Variants in PDE4D observed in about 807,000 individuals in gnomAD.
PDE4D encodes the protein 3',5'-cyclic-AMP phosphodiesterase 4D.
Under a neutral mutation model 87.4 loss-of-function variants are expected in PDE4D, and 24 were observed. That is an observed-to-expected ratio of 0.27 (90% confidence interval 0.20 to 0.39). PDE4D has a LOEUF of 0.39. Ranked by LOEUF, PDE4D falls within the 10% of genes least tolerant of loss-of-function variation. The pLI, the probability that PDE4D is intolerant of heterozygous loss-of-function variation, is 1.00. For synonymous variants in PDE4D, 384 were observed against 383.2 expected, an observed-to-expected ratio of 1.00 and a Z score of -0.02; for missense variants, 714 against 1,041.0, an observed-to-expected ratio of 0.69 and a Z score of 4.32.
intron 1 of PDE4D, among the ~76,000 whole-genome samples, chr5:60,408,555 T>C (rs187234891): frequency 6.6e-6 from 1 of 152,230 alleles, no homozygotes; most frequent in South Asian, 2.1e-4. Flanking sequence ...GCCTGGAAAG[T>C]CTTGCCAGTT....
At chr5:59,144,481 AAAAT>A (rs978147123) in intron 5 of PDE4D, among the ~76,000 whole-genome samples, 3 of 152,208 alleles carry the variant, frequency 2.0e-5, no homozygotes, top group African/African-American at 7.2e-5. Flanking sequence ...CCAGAAAGCA[AAAAT>A]AAATAAATAA....
At chr5:59,678,448 C>A (rs2150355342) in intron 1 of PDE4D, among the ~76,000 whole-genome samples, 1 of 151,844 alleles carries the variant, frequency 6.6e-6, no homozygotes, top group East Asian at 1.9e-4. Context: ...ATGGAAGTAC[C>A]ACAATTTAGT....
At chr5:59,754,665 A>T (rs1278570498) in intron 1 of PDE4D, among the ~76,000 whole-genome samples, 1 of 152,202 alleles carries the variant, frequency 6.6e-6, no homozygotes, top group Non-Finnish European at 1.5e-5. Context: ...ATTACAGGGT[A>T]GAAAAATGTG....
intron 2 of PDE4D, among the ~76,000 whole-genome samples, chr5:60,146,416 A>G (rs1781005772): frequency 6.6e-6 from 1 of 152,204 alleles, no homozygotes; most frequent in Non-Finnish European, 1.5e-5. Flanking sequence ...TTTAGTGTCC[A>G]AGATCAGACC....
At chr5:59,543,926 T>A (rs1256491764) in intron 1 of PDE4D, among the ~76,000 whole-genome samples, 2 of 152,094 alleles carry the variant, frequency 1.3e-5, no homozygotes, top group Non-Finnish European at 2.9e-5. Flanking sequence ...TATACAGACA[T>A]AAAATAAGCT....
At chr5:59,617,782 A>T (rs1251937383) in intron 1 of PDE4D, among the ~76,000 whole-genome samples, 5 of 152,182 alleles carry the variant, frequency 3.3e-5, no homozygotes, top group Non-Finnish European at 7.4e-5. Flanking sequence ...ACTGTGAGAC[A>T]ACACATTTCT....
intron 1 of PDE4D, among the ~76,000 whole-genome samples, chr5:59,553,950 G>A (rs1031240197): frequency 1.3e-5 from 2 of 152,186 alleles, no homozygotes; most frequent in Middle Eastern, 3.4e-3. Flanking sequence ...TACAATAATA[G>A]CTATAGTTTT....
At chr5:59,976,942 T>C (rs529675058) in intron 3 of PDE4D, among the ~76,000 whole-genome samples, 1 of 152,306 alleles carries the variant, frequency 6.6e-6, no homozygotes, top group East Asian at 1.9e-4. Context: ...ACTTAATGGA[T>C]TAATGTTGCA....
At chr5:60,266,739 G>A (rs1175497950) in intron 1 of PDE4D, among the ~76,000 whole-genome samples, 2 of 152,226 alleles carry the variant, frequency 1.3e-5, no homozygotes, top group Non-Finnish European at 2.9e-5. Flanking sequence ...AAGAGAGCAG[G>A]AGGAAGACAC....
At chr5:60,075,858 C>T (rs1303264177) in intron 2 of PDE4D, among the ~76,000 whole-genome samples, 2 of 152,104 alleles carry the variant, frequency 1.3e-5, no homozygotes, top group African/African-American at 4.8e-5. Flanking sequence ...TCAGCTCTAT[C>T]AGGTTGGTTA....
intron 1 of PDE4D, among the ~76,000 whole-genome samples, chr5:59,794,046 C>T (rs934691275): frequency 1.3e-5 from 2 of 151,994 alleles, no homozygotes; most frequent in Non-Finnish European, 2.9e-5. Context: ...CACACATGCA[C>T]AGGCACATGC....
In PDE4D at chr5:59,205,069, T is replaced by C. The variant is rs149041088; in HGVS notation, c.647+10708A>G. ...AGGCCCTGACAACTTAAGTTACTCA[T>C]TGGCAGTCATGCCCTTGACAAGCTG... On this transcript the variant is annotated intron_variant, in intron 2 of 14. Transcript: ENST00000340635. Among the ~76,000 whole-genome samples the C allele has an allele frequency of 5.2e-3, 790 of 152,170 alleles. 2 individuals are homozygous for C. Among genetic ancestry groups the C allele is most frequent in the Non-Finnish European group, 8.4e-3 (572 of 67,954 alleles).
intron 1 of PDE4D, among the ~76,000 whole-genome samples, chr5:59,598,542 T>A (rs968860914): frequency 3.3e-5 from 5 of 152,096 alleles, no homozygotes; most frequent in African/African-American, 1.2e-4. Context: ...AACCACTCAC[T>A]GATTAGAGGC....
rs753544027 is a variant in PDE4D, at chr5:58,974,957, GGATTGTGCTCTGGTACCATTCAC to G, written c.2114_2136del (p.Arg705ProfsTer9). The G allele has an allele frequency of 6.2e-7, 1 of 1,613,338 alleles. No individual in the cohort carries two copies. Among genetic ancestry groups the G allele is most frequent in the Non-Finnish European group, 8.5e-7 (1 of 1,179,504 alleles). ...TCAGGTGCAGGAGAGGGGCTCTGAG[GGATTGTGCTCTGGTACCATTCAC>G]GATTGTCCTCCAAAGTGTCCAAAAT... On this transcript the variant is annotated frameshift_variant, in exon 15 of 15. Transcript: ENST00000340635. LOFTEE classifies it high-confidence loss of function.
chr5:59,881,293 C>T (rs1233361388), intron 1 of PDE4D, among the ~76,000 whole-genome samples: 2 of 152,072 alleles, frequency 1.3e-5, no homozygotes, highest in African/African-American at 4.8e-5. Context: ...AATGCATAAA[C>T]ACTAAAATAA....
At position 59,098,485 on chromosome 5, in the gene PDE4D, T is replaced by G. The variant is rs139742624; in HGVS notation, c.809-59514A>C. On this transcript the variant is annotated intron_variant, in intron 5 of 14. Coordinates refer to ENST00000340635, the MANE Select transcript of PDE4D (RefSeq NM_001104631.2). ...AGCCAAGGCAAGAGGATCACTTGAG[T>G]ACATGAGTTTGAGACCAGCCTGGGT... 4.1e-4 allele frequency among the ~76,000 whole-genome samples: 62 copies of G among 151,516 alleles called. 1 individual carries two copies. Among genetic ancestry groups the G allele is most frequent in the African/African-American group, 1.3e-3 (55 of 41,274 alleles).
intron 2 of PDE4D, among the ~76,000 whole-genome samples, chr5:60,079,873 C>A (rs536036340): frequency 3.9e-5 from 6 of 152,256 alleles, no homozygotes; most frequent in African/African-American, 1.4e-4. Context: ...TTATTTGAAT[C>A]CATATGAAAC....
Position 59,534,629 on chromosome 5 carries a change from A to G in PDE4D, c.456-318661T>C, listed in dbSNP as rs2153681216. ...CCCCATTACCAAGAGGCCTTGTGGG[A>G]TGAACCTGTGTGCAATGGAGTTACA... is the stretch of plus-strand genomic sequence containing the variant. On this transcript the variant is annotated intron_variant, in intron 1 of 14. Coordinates refer to ENST00000340635, the MANE Select transcript of PDE4D (RefSeq NM_001104631.2). Among the ~76,000 whole-genome samples, 2 of 152,226 alleles carry G rather than the reference A, an allele frequency of 1.3e-5. 1 individual carries two copies. Among genetic ancestry groups the G allele is most frequent in the East Asian group, 3.8e-4 (2 of 5,198 alleles).
intron 1 of PDE4D, among the ~76,000 whole-genome samples, chr5:59,454,019 T>G (rs964089307): frequency 6.6e-6 from 1 of 152,308 alleles, no homozygotes; most frequent in East Asian, 1.9e-4. Context: ...AGTCTAATAA[T>G]CCTGGGGCCA....
Sources: allele counts gnomAD v4.1 joint callset (sites outside exome capture counted in the v4.1 genomes callset), GRCh38; gene constraint gnomAD v4.1.1; transcripts MANE v1.5; gene names NCBI Gene and HGNC (gene_info 2026-07-23, HGNC 2026-07-21).